GTF2A2: variants seen among roughly 807,000 people sequenced by gnomAD.
GTF2A2 encodes the protein transcription initiation factor IIA subunit 2.
Under a neutral mutation model 14.3 loss-of-function variants are expected in GTF2A2, and 9 were observed. The observed-to-expected ratio is 0.63, with a 90% confidence interval of 0.38 to 1.10. GTF2A2 has a LOEUF of 1.10. Among genes scored for constraint, GTF2A2 ranks in the 50% least tolerant of loss-of-function variants. GTF2A2 has a pLI of 0.01. For synonymous variants in GTF2A2, 56 were observed against 46.0 expected, an observed-to-expected ratio of 1.22 and a Z score of -0.88; for missense variants, 90 against 124.6, an observed-to-expected ratio of 0.72 and a Z score of 1.32.
chr15:59,643,158 C>T (rs1256262816), intron 3 of GTF2A2, among the ~76,000 whole-genome samples: 1 of 144,186 alleles, frequency 6.9e-6, no homozygotes, highest in Non-Finnish European at 1.5e-5. Flanking sequence ...TGGATCACTG[C>T]AACCTCCGCC....
intron 1 of GTF2A2, 119 bp downstream of exon 1, chr15:59,657,287 C>G (rs1473095560): frequency 2.0e-5 from 3 of 152,328 alleles, no homozygotes; most frequent in African/African-American, 7.2e-5. Flanking sequence ...CGGTAACGGG[C>G]AGATCCCAGG....
chr15:59,643,105 A>T (rs1338237168), intron 3 of GTF2A2, among the ~76,000 whole-genome samples: 2 of 106,764 alleles, frequency 1.9e-5, no homozygotes, highest in Admixed American at 2.5e-4. Flanking sequence ...TTTGAGACAG[A>T]GTCTCACTCT....
intron 3 of GTF2A2, among the ~76,000 whole-genome samples, chr15:59,648,529 ATAAAT>A (rs1891686848): frequency 6.6e-6 from 1 of 152,116 alleles, no homozygotes; most frequent in South Asian, 2.1e-4. Context: ...TTTTTTACTA[ATAAAT>A]TAAAACATAT....
chr15:59,656,498 A>C (rs1410889422), intron 1 of GTF2A2, among the ~76,000 whole-genome samples: 1 of 151,730 alleles, frequency 6.6e-6, no homozygotes, highest in Non-Finnish European at 1.5e-5. Context: ...CCTCTAATAG[A>C]ATGTAAGCTC....
At chr15:59,642,950 A>C (rs1034948425) in intron 3 of GTF2A2, among the ~76,000 whole-genome samples, 30 of 151,978 alleles carry the variant, frequency 2.0e-4, no homozygotes, top group African/African-American at 7.0e-4. Context: ...TATTTTTAGC[A>C]GAGATGGTGT....
chr15:59,650,592 A>G lies in GTF2A2; in HGVS notation c.177+77T>C, dbSNP rs1002337487. The G allele has an allele frequency of 7.7e-6, 6 of 779,972 alleles. No homozygotes were observed. In the East Asian group the frequency reaches 1.5e-4, roughly 19 times the overall value. 48.3% of individuals were successfully genotyped at this position (779,972 alleles called of 1,614,324 possible). Reference sequence around the variant, plus strand: ...CCTCTTCCTCTTATGATTAATAAATATGTAGGGGTCCTAAAAAAAAATCAG... The same window carrying G: ...CCTCTTCCTCTTATGATTAATAAATGTGTAGGGGTCCTAAAAAAAAATCAG... On this transcript the variant is annotated intron_variant, in intron 3 of 4. Transcript: ENST00000396060.
At chr15:59,648,659 G>T (rs1221805987) in intron 3 of GTF2A2, among the ~76,000 whole-genome samples, 1 of 152,030 alleles carries the variant, frequency 6.6e-6, no homozygotes, top group East Asian at 1.9e-4. Context: ...AACAGGCCGG[G>T]CGCAGTGGCT....
chr15:59,655,796 C>G (rs546143105), intron 1 of GTF2A2, among the ~76,000 whole-genome samples: 2 of 152,152 alleles, frequency 1.3e-5, no homozygotes, highest in South Asian at 4.1e-4. Flanking sequence ...CATACTTCTA[C>G]GAGCTTGGGC....
At chr15:59,652,397 C>G (rs1891820188) in intron 1 of GTF2A2, 71 bp from the exon 2 acceptor site, 3 of 603,124 alleles carry the variant, frequency 5.0e-6, no homozygotes, top group Admixed American at 3.0e-5. Context: ...ATAATATCAT[C>G]TACCTCAAAT....
At chr15:59,647,537 A>G (rs1361639656) in intron 3 of GTF2A2, among the ~76,000 whole-genome samples, 1 of 152,184 alleles carries the variant, frequency 6.6e-6, no homozygotes, top group East Asian at 1.9e-4. Flanking sequence ...CACTTTTAAT[A>G]AATACATTTT....
intron 2 of GTF2A2, 188 bp downstream of exon 2, chr15:59,652,018 T>C (rs553426158): frequency 4.0e-6 from 2 of 500,718 alleles, no homozygotes; most frequent in Non-Finnish European, 7.0e-6. Context: ...CATTCAATCA[T>C]GTTTTGTGTC....
chr15:59,639,918 T>A (rs1200444206), intron 4 of GTF2A2, among the ~76,000 whole-genome samples: 1 of 151,958 alleles, frequency 6.6e-6, no homozygotes, highest in African/African-American at 2.4e-5. Context: ...GCCTGGCTAA[T>A]TTTTGTATTT....
At chr15:59,644,716 T>A (rs1891546012) in intron 3 of GTF2A2, among the ~76,000 whole-genome samples, 1 of 152,010 alleles carries the variant, frequency 6.6e-6, no homozygotes, top group Non-Finnish European at 1.5e-5. Context: ...AAAGAATAAG[T>A]AAGAGTCAAT....
At position 59,638,242 on chromosome 15, in the gene GTF2A2, A is replaced by AG. The variant is rs1891245891; in HGVS notation, c.*889dup. On this transcript the variant is annotated 3_prime_UTR_variant, in exon 5 of 5. Transcript: ENST00000396060. ...TTTTAATGTGAGAGTCAAGGACTAC[A>AG]GTGGCATGCTGAGGTAACAACTGCA... 6.6e-6 allele frequency: 1 copy of AG among 152,144 alleles called. No homozygotes were observed. Among genetic ancestry groups the AG allele is most frequent in the African/African-American group, 2.4e-5 (1 of 41,406 alleles). The allele number at this position is 152,144 out of a possible 1,614,324, so 9.4% of individuals were successfully genotyped here.
intron 2 of GTF2A2, chr15:59,651,359 T>C (rs1416910775): frequency 1.3e-5 from 2 of 152,404 alleles, no homozygotes; most frequent in African/African-American, 4.8e-5. Context: ...ATATTTTTAG[T>C]AGAGACAGGG....
chr15:59,645,738 G>A (rs1168320762), intron 3 of GTF2A2, among the ~76,000 whole-genome samples: 1 of 152,110 alleles, frequency 6.6e-6, no homozygotes, highest in African/African-American at 2.4e-5. Flanking sequence ...ACGATCTTAA[G>A]AGTGTGTATA....
At chr15:59,645,636 C>T (rs1158084557) in intron 3 of GTF2A2, among the ~76,000 whole-genome samples, 1 of 152,152 alleles carries the variant, frequency 6.6e-6, no homozygotes, top group Non-Finnish European at 1.5e-5. Context: ...ATTAGATCTC[C>T]TCGTTTGCTA....
chr15:59,653,939 C>T (rs1477249296), intron 1 of GTF2A2, among the ~76,000 whole-genome samples: 2 of 152,152 alleles, frequency 1.3e-5, no homozygotes, highest in South Asian at 2.1e-4. Context: ...ATCAGCCAAC[C>T]TTTCAGCTCG....
intron 4 of GTF2A2, among the ~76,000 whole-genome samples, chr15:59,639,845 G>A (rs1468518991): frequency 1.3e-5 from 2 of 152,024 alleles, no homozygotes; most frequent in Non-Finnish European, 2.9e-5. Flanking sequence ...CCACCTCTCG[G>A]GTTTAAGCAA....
Sources: gnomAD v4.1 joint callset for allele counts (sites outside exome capture counted in the v4.1 genomes callset) on GRCh38, gnomAD v4.1.1 for gene constraint, MANE v1.5 for transcripts, NCBI Gene and HGNC (gene_info 2026-07-23, HGNC 2026-07-21) for gene names.